SLC2A1: variants seen among roughly 807,000 people sequenced by gnomAD.
SLC2A1 encodes the protein solute carrier family 2 member 1.
SLC2A1 carries 4 observed loss-of-function variants against 46.6 expected under a neutral mutation model. The observed-to-expected ratio is 0.09, with a 90% CI of 0.04 to 0.20. The LOEUF (loss-of-function observed/expected upper bound fraction) is 0.20. Ranked by LOEUF, SLC2A1 falls within the 10% of genes least tolerant of loss-of-function variation. The pLI is 1.00. For synonymous variants in SLC2A1, 253 were observed against 270.0 expected, an observed-to-expected ratio of 0.94 and a Z score of 0.62; for missense variants, 352 against 667.0, an observed-to-expected ratio of 0.53 and a Z score of 5.20.
At position 42,926,654 on chromosome 1, in the gene SLC2A1, T is replaced by C; in HGVS notation, c.*387A>G. On this transcript the variant is annotated 3_prime_UTR_variant, in exon 10 of 10. Coordinates refer to ENST00000426263, the MANE Select transcript of SLC2A1 (RefSeq NM_006516.4). The stretch of plus-strand genomic sequence containing the variant: ...GATTAGTGTGTCCTTAGGACATAGG[T>C]CCAGCCCTACAGATTAGCTGGGTGA... 1 of 1,262,618 alleles carries C rather than the reference T, an allele frequency of 7.9e-7. No homozygotes were observed. Among genetic ancestry groups the C allele is most frequent in the Non-Finnish European group, 1.0e-6 (1 of 961,256 alleles). 78.2% of individuals were successfully genotyped at this position (1,262,618 alleles called of 1,614,324 possible). A position where few individuals can be genotyped will look rare whatever the true frequency, so the allele number is the denominator to read the frequency against.
intron 1 of SLC2A1, among the ~76,000 whole-genome samples, chr1:42,948,704 G>A (rs1042750855): frequency 2.0e-5 from 3 of 152,070 alleles, no homozygotes; most frequent in African/African-American, 4.8e-5. Flanking sequence ...CGAGGCGGGC[G>A]GATTGGTTAA....
Position 42,929,079 on chromosome 1 carries a change from C to G in SLC2A1, c.973-46G>C. On this transcript the variant is annotated intron_variant, in intron 7 of 9. Coordinates refer to ENST00000426263, the MANE Select transcript of SLC2A1 (RefSeq NM_006516.4). The surrounding 1 kb of genome is among the most constrained non-coding windows in gnomAD (Gnocchi z 6.0). Reference sequence around the variant, plus strand: ...AGTGCCACCCCTGCCTAGTGCCCTTCTGAACCCACCCACCCAGAGGCCTTG... The same window carrying G: ...AGTGCCACCCCTGCCTAGTGCCCTTGTGAACCCACCCACCCAGAGGCCTTG... 1.3e-6 allele frequency: 2 copies of G among 1,590,846 alleles called. No individual in the cohort carries two copies. The highest frequency in any genetic ancestry group is 1.7e-6 in the Non-Finnish European group (2 of 1,160,020).
At chr1:42,947,123 G>C (rs1362403430) in intron 1 of SLC2A1, among the ~76,000 whole-genome samples, 2 of 152,194 alleles carry the variant, frequency 1.3e-5, no homozygotes, top group Non-Finnish European at 2.9e-5. Flanking sequence ...CCAGTGGCTA[G>C]AACTGGAACA....
chr1:42,957,341 G>A (rs1276730065), intron 1 of SLC2A1, among the ~76,000 whole-genome samples: 1 of 152,202 alleles, frequency 6.6e-6, no homozygotes, highest in African/African-American at 2.4e-5. Flanking sequence ...AAGTCGTCTG[G>A]ATTTATGGAT....
In SLC2A1 at chr1:42,926,660, C is replaced by T. The variant is rs764359011; in HGVS notation, c.*381G>A. 6 of 1,279,098 alleles carry T rather than the reference C, an allele frequency of 4.7e-6. No individual in the cohort carries two copies. The highest frequency in any genetic ancestry group is 6.2e-6 in the Non-Finnish European group (6 of 975,298). The allele number at this position is 1,279,098 out of a possible 1,614,324, so 79.2% of individuals were successfully genotyped here. ...TGTGTCCTTAGGACATAGGTCCAGC[C>T]CTACAGATTAGCTGGGTGAAGAAGG... is the stretch of plus-strand genomic sequence containing the variant. On this transcript the variant is annotated 3_prime_UTR_variant, in exon 10 of 10. Transcript: ENST00000426263.
chr1:42,957,565 T>C (rs539815429), intron 1 of SLC2A1, among the ~76,000 whole-genome samples: 4 of 151,854 alleles, frequency 2.6e-5, no homozygotes, highest in Non-Finnish European at 5.9e-5. Context: ...AGAGGGACCG[T>C]TTCAAAAGAA....
chr1:42,937,539 G>A (rs1327487693), intron 2 of SLC2A1, among the ~76,000 whole-genome samples: 1 of 152,236 alleles, frequency 6.6e-6, no homozygotes, highest in Admixed American at 6.5e-5. Context: ...CAAGGGCACA[G>A]ACTAGGGCCA....
At chr1:42,931,827 CAAAAAAAA>C (rs35734592) in intron 2 of SLC2A1, among the ~76,000 whole-genome samples, 1 of 106,302 alleles carries the variant, frequency 9.4e-6, no homozygotes, top group Non-Finnish European at 1.8e-5. Context: ...CTCTATGTCT[CAAAAAAAA>C]AAAAAAAAAA....
rs760599149 is a variant in SLC2A1 at position 42,930,824 on chromosome 1, G to A, written c.318C>T (p.Ser106=). The A allele has an allele frequency of 7.5e-6, 12 of 1,600,704 alleles. No individual in the cohort carries two copies. Among genetic ancestry groups the A allele is most frequent in the Admixed American group, 1.7e-5 (1 of 60,002 alleles). The change falls in exon 4 of 10, where the codon TCC becomes TCT. Residue 106 remains serine (S), a synonymous_variant. Transcript: ENST00000426263. This position sits in a 1 kb window ranked among gnomAD's most constrained non-coding sequence, Gnocchi z 6.2. The part of the protein sequence containing the change: ...MLMMNLLAFV[S]AVLMGFSKLG... ...GTTTCGAGAAGCCCATGAGCACGGC[G>A]GACACGAAGGCCAGCAGGTTCATCA... is the stretch of plus-strand genomic sequence containing the variant.
rs559147717 is a variant in SLC2A1, at chr1:42,927,331, T to C, written c.1279-90A>G. ...ATAAGTCACTTTACCTTTGGGCCTTTGAGCTGAAAAGGGAACATCCACCTA... is the reference window on the plus strand; with the variant it reads ...ATAAGTCACTTTACCTTTGGGCCTTCGAGCTGAAAAGGGAACATCCACCTA... On this transcript the variant is annotated intron_variant, in intron 9 of 9. Transcript: ENST00000426263. This position sits in a 1 kb window ranked among gnomAD's most constrained non-coding sequence, Gnocchi z 5.3. The C allele has an allele frequency of 2.4e-6, 3 of 1,266,018 alleles. No individual in the cohort carries two copies. The South Asian group carries it at 3.7e-5, about 16-fold the overall frequency. 78.4% of individuals were successfully genotyped at this position (1,266,018 alleles called of 1,614,324 possible).
chr1:42,956,407 CAAAAAAAAAAA>C (rs71577684), intron 1 of SLC2A1, among the ~76,000 whole-genome samples: 9 of 44,506 alleles, frequency 2.0e-4, no homozygotes, highest in African/African-American at 6.3e-4. Flanking sequence ...ACTAAAACTA[CAAAAAAAAAAA>C]AAAAAAAAAA....
chr1:42,958,302 C>T (rs566042971), intron 1 of SLC2A1, among the ~76,000 whole-genome samples: 1 of 151,250 alleles, frequency 6.6e-6, no homozygotes, highest in Non-Finnish European at 1.5e-5. Flanking sequence ...AGGTCGTGTG[C>T]GACGTGCCGC....
At position 42,930,237 on chromosome 1, in the gene SLC2A1, C is replaced by T. The variant is rs1473107291; in HGVS notation, c.517-202G>A. ...AAGTAGGACCTACCCCACAGTGTTG[C>T]TGGGAGGACAAATGACAAGGCCACA... On this transcript the variant is annotated intron_variant, in intron 4 of 9. Transcript: ENST00000426263. The surrounding 1 kb of genome is among the most constrained non-coding windows in gnomAD (Gnocchi z 6.2). 1.8e-5 allele frequency: 12 copies of T among 655,380 alleles called. No individual in the cohort carries two copies. The highest frequency in any genetic ancestry group is 2.5e-5 in the Admixed American group (1 of 39,900). The allele number at this position is 655,380 out of a possible 1,614,324, so 40.6% of individuals were successfully genotyped here. A position where few individuals can be genotyped will look rare whatever the true frequency, so the allele number is the denominator to read the frequency against.
chr1:42,958,075 G>C (rs1643797549), intron 1 of SLC2A1, among the ~76,000 whole-genome samples: 1 of 152,204 alleles, frequency 6.6e-6, no homozygotes, highest in South Asian at 2.1e-4. Flanking sequence ...GGACTGGCGG[G>C]AGGAGTAGGG....
intron 1 of SLC2A1, chr1:42,951,857 G>A (rs1643724740): frequency 7.5e-6 from 3 of 400,958 alleles, no homozygotes; most frequent in Non-Finnish European, 1.3e-5. Flanking sequence ...ACTGTGGTTA[G>A]AGACTTTATA....
intron 2 of SLC2A1, among the ~76,000 whole-genome samples, chr1:42,935,370 C>T (rs1351646648): frequency 2.0e-5 from 3 of 152,204 alleles, no homozygotes; most frequent in South Asian, 2.1e-4. Context: ...CCCCACACCA[C>T]CTCCCGCCAG....
chr1:42,958,627 G>T lies in SLC2A1; in HGVS notation c.18+7C>A, dbSNP rs1034169733. The T allele has an allele frequency of 2.0e-6, 3 of 1,526,966 alleles. No homozygotes were observed. The African/African-American group carries it at 4.2e-5, about 22-fold the overall frequency. 94.6% of individuals were successfully genotyped at this position (1,526,966 alleles called of 1,614,324 possible). The stretch of plus-strand genomic sequence containing the variant: ...CTGGCGGGAGGGCCCGCGGGCGCGC[G>T]ACTCACCTTGCTGCTGGGCTCCATG... On this transcript the variant is annotated splice_region_variant and intron_variant, in intron 1 of 9. Coordinates refer to ENST00000426263, the MANE Select transcript of SLC2A1 (RefSeq NM_006516.4).
chr1:42,949,861 G>A (rs1643702289), intron 1 of SLC2A1, among the ~76,000 whole-genome samples: 1 of 152,202 alleles, frequency 6.6e-6, no homozygotes, highest in African/African-American at 2.4e-5. Flanking sequence ...GGTCTCTGAT[G>A]CCAAATTCTA....
chr1:42,953,410 G>A (rs1256019214), intron 1 of SLC2A1, among the ~76,000 whole-genome samples: 5 of 152,252 alleles, frequency 3.3e-5, no homozygotes, highest in Non-Finnish European at 5.9e-5. Context: ...GTAACAATTG[G>A]AGGCTTGTTA....
Sources: gnomAD v4.1 joint callset for allele counts (sites outside exome capture counted in the v4.1 genomes callset) on GRCh38, gnomAD v4.1.1 for gene constraint, Gnocchi (gnomAD v3.1) non-coding constraint, MANE v1.5 for transcripts, NCBI Gene and HGNC (gene_info 2026-07-23, HGNC 2026-07-21) for gene names.